SPTLC3: variants seen among roughly 807,000 people sequenced by gnomAD.
SPTLC3 encodes the protein serine palmitoyltransferase long chain base subunit 3, also known as serine palmitoyltransferase 3.
SPTLC3 carries 36 observed loss-of-function variants against 59.3 expected under a neutral mutation model. The ratio of observed to expected loss-of-function variants is 0.61; its 90% CI spans 0.47 to 0.80. The LOEUF is 0.80. Among genes scored for constraint, SPTLC3 ranks in the 30% least tolerant of loss-of-function variants. SPTLC3 has a pLI of 0.00. For synonymous variants in SPTLC3, 257 were observed against 240.8 expected, an observed-to-expected ratio of 1.07 and a Z score of -0.62; for missense variants, 625 against 685.1, an observed-to-expected ratio of 0.91 and a Z score of 0.98.
At chr20:13,100,334 A>G (rs1321211444) in intron 6 of SPTLC3, among the ~76,000 whole-genome samples, 1 of 152,182 alleles carries the variant, frequency 6.6e-6, no homozygotes, top group Non-Finnish European at 1.5e-5. Context: ...ACTAAATAGA[A>G]GGAAAGTTCT....
chr20:13,148,964 TA>T (rs1352696763), intron 9 of SPTLC3, among the ~76,000 whole-genome samples: 1 of 152,240 alleles, frequency 6.6e-6, no homozygotes, highest in Non-Finnish European at 1.5e-5. Flanking sequence ...AATTTTCCTG[TA>T]AGATAAGCTT....
At chr20:13,069,219 T>A (rs1417806457) in intron 2 of SPTLC3, among the ~76,000 whole-genome samples, 1 of 152,136 alleles carries the variant, frequency 6.6e-6, no homozygotes, top group Non-Finnish European at 1.5e-5. Flanking sequence ...GGAAGCTAGG[T>A]ATGACCGAAA....
chr20:13,029,430 T>C (rs1272402299), intron 1 of SPTLC3, among the ~76,000 whole-genome samples: 1 of 152,182 alleles, frequency 6.6e-6, no homozygotes, highest in African/African-American at 2.4e-5. Flanking sequence ...AAAACATGCC[T>C]GGTTATACAA....
chr20:13,027,119 C>G (rs1184420542), intron 1 of SPTLC3, among the ~76,000 whole-genome samples: 1 of 152,206 alleles, frequency 6.6e-6, no homozygotes, highest in African/African-American at 2.4e-5. Flanking sequence ...TGGCTCATCT[C>G]TCCTCCTCTA....
At chr20:13,105,217 G>A (rs1434704125) in intron 6 of SPTLC3, among the ~76,000 whole-genome samples, 1 of 151,996 alleles carries the variant, frequency 6.6e-6, no homozygotes, top group Non-Finnish European at 1.5e-5. Context: ...CCCTTTTCCT[G>A]TGTAGCTTCT....
At chr20:13,107,616 A>C (rs1458712317) in intron 6 of SPTLC3, among the ~76,000 whole-genome samples, 1 of 152,212 alleles carries the variant, frequency 6.6e-6, no homozygotes, top group African/African-American at 2.4e-5. Context: ...AAAGAAAAGG[A>C]AAGTGGCATG....
intron 2 of SPTLC3, among the ~76,000 whole-genome samples, chr20:13,065,051 C>T (rs1988139783): frequency 6.6e-6 from 1 of 152,046 alleles, no homozygotes; most frequent in Non-Finnish European, 1.5e-5. Flanking sequence ...AATAAATTCA[C>T]TCCTTCACAG....
At chr20:13,055,579 C>A (rs6109674) in intron 2 of SPTLC3, among the ~76,000 whole-genome samples, 18,789 of 152,204 alleles carry the variant, frequency 0.12, 1,239 homozygotes, top group Middle Eastern at 0.21. Context: ...GGCTTCAAAT[C>A]TACAATCTAT....
intron 1 of SPTLC3, 104 bp downstream of exon 1, chr20:13,009,488 G>T: frequency 9.2e-7 from 1 of 1,082,594 alleles, no homozygotes; most frequent in African/African-American, 1.6e-5. Flanking sequence ...ATCTTATGAA[G>T]GGTTTTTACA....
chr20:13,044,143 A>G (rs1987124085), intron 1 of SPTLC3, among the ~76,000 whole-genome samples: 1 of 147,320 alleles, frequency 6.8e-6, no homozygotes, highest in Non-Finnish European at 1.5e-5. Context: ...TCTGTCACCC[A>G]GACTGGAGTG....
chr20:13,025,371 A>T (rs1433328454), intron 1 of SPTLC3, among the ~76,000 whole-genome samples: 3 of 152,106 alleles, frequency 2.0e-5, no homozygotes, highest in African/African-American at 7.2e-5. Context: ...AACCTGAATC[A>T]TTATGTAAAA....
chr20:13,074,473 G>A lies in SPTLC3; in HGVS notation c.583G>A (p.Val195Met), dbSNP rs773177658. The A allele has an allele frequency of 5.0e-6, 8 of 1,613,808 alleles. No homozygotes were observed. Among genetic ancestry groups the A allele is most frequent in the East Asian group, 4.5e-5 (2 of 44,878 alleles). Reference sequence around the variant, plus strand: ...TGTTTTAGAGGTGTATGGCACAGGCGTGGCCAGCACCAGGCATGAAATGGG... The same window carrying A: ...TGTTTTAGAGGTGTATGGCACAGGCATGGCCAGCACCAGGCATGAAATGGG... The part of the protein sequence containing the change: ...KDVLEVYGTG[V>M]ASTRHEMGTL... The change falls in exon 4 of 12, where the codon GTG becomes ATG. Residue 195 changes from valine to methionine, a missense_variant. By Grantham distance (21) the Val-to-Met change is conservative. Coordinates refer to ENST00000399002, the MANE Select transcript of SPTLC3 (RefSeq NM_018327.4).
intron 4 of SPTLC3, among the ~76,000 whole-genome samples, chr20:13,079,467 C>T (rs967441182): frequency 2.6e-5 from 4 of 152,176 alleles, no homozygotes; most frequent in African/African-American, 9.6e-5. Flanking sequence ...TTGAGATTGA[C>T]ATGGAAAAAA....
intron 1 of SPTLC3, among the ~76,000 whole-genome samples, chr20:13,036,960 G>A (rs1381478620): frequency 8.5e-5 from 13 of 152,086 alleles, no homozygotes; most frequent in African/African-American, 3.1e-4. Context: ...CTAGTATTGG[G>A]TAGTCCTTGG....
intron 9 of SPTLC3, among the ~76,000 whole-genome samples, chr20:13,131,707 A>G (rs367832944): frequency 3.3e-5 from 5 of 152,292 alleles, no homozygotes; most frequent in East Asian, 1.9e-4. Context: ...TTCCTGGAGT[A>G]GCCTCCTGAA....
In SPTLC3 at chr20:13,084,430, A is replaced by G. The variant is rs538335399; in HGVS notation, c.608-6653A>G. ...CCACGGAATTGTGATGAAGTGTTTC[A>G]TCTCTGGAGTCAGACATGCTGATTT... On this transcript the variant is annotated intron_variant, in intron 4 of 11. Transcript: ENST00000399002. Among the ~76,000 whole-genome samples the G allele has an allele frequency of 1.1e-4, 17 of 152,286 alleles. No individual in the cohort carries two copies. The South Asian group carries it at 3.5e-3, about 32-fold the overall frequency.
At chr20:13,121,226 C>T (rs943642344) in intron 8 of SPTLC3, among the ~76,000 whole-genome samples, 1 of 152,118 alleles carries the variant, frequency 6.6e-6, no homozygotes, top group Non-Finnish European at 1.5e-5. Flanking sequence ...ATGAATGAAG[C>T]GATGGTAGCC....
chr20:13,141,180 T>C (rs945373656), intron 9 of SPTLC3, among the ~76,000 whole-genome samples: 13 of 152,244 alleles, frequency 8.5e-5, no homozygotes, highest in African/African-American at 3.1e-4. Context: ...ATTTTTGACA[T>C]GAGATACATT....
chr20:13,035,284 G>A (rs1986684464), intron 1 of SPTLC3, among the ~76,000 whole-genome samples: 1 of 152,104 alleles, frequency 6.6e-6, no homozygotes, highest in African/African-American at 2.4e-5. Context: ...AATTGGTGCT[G>A]GAGTTTTGAT....
Sources: gnomAD v4.1 joint callset for allele counts (sites outside exome capture counted in the v4.1 genomes callset) on GRCh38, gnomAD v4.1.1 for gene constraint, MANE v1.5 for transcripts, NCBI Gene and HGNC (gene_info 2026-07-23, HGNC 2026-07-21) for gene names.